The following CTIF variants were observed in gnomAD, a reference collection of about 807,000 sequenced individuals.
CTIF encodes the protein cap binding complex dependent translation initiation factor.
In CTIF, 21 loss-of-function variants were observed where a neutral mutation model predicts 66.0. The observed-to-expected ratio is 0.32, with a 90% CI of 0.23 to 0.46. CTIF has a LOEUF of 0.46. Among genes scored for constraint, CTIF ranks in the 20% least tolerant of loss-of-function variants. The pLI is 1.00. For synonymous variants in CTIF, 345 were observed against 326.4 expected, an observed-to-expected ratio of 1.06 and a Z score of -0.62; for missense variants, 739 against 812.7, an observed-to-expected ratio of 0.91 and a Z score of 1.10.
At chr18:48,794,088 T>C (rs527241181) in intron 9 of CTIF, among the ~76,000 whole-genome samples, 13 of 152,332 alleles carry the variant, frequency 8.5e-5, no homozygotes, top group African/African-American at 3.1e-4. Context: ...TTCTGACTAG[T>C]AGCCCAAAGG....
At chr18:48,674,355 T>G (rs546303876) in intron 6 of CTIF, among the ~76,000 whole-genome samples, 22 of 152,344 alleles carry the variant, frequency 1.4e-4, no homozygotes, top group African/African-American at 5.3e-4. Context: ...CTGCTGCAGC[T>G]CCTGCAGTCT....
At chr18:48,773,154 G>A (rs1910337053) in intron 9 of CTIF, among the ~76,000 whole-genome samples, 1 of 152,202 alleles carries the variant, frequency 6.6e-6, no homozygotes, top group Non-Finnish European at 1.5e-5. Flanking sequence ...ATAGACCAGT[G>A]TAGACTTGCA....
At chr18:48,646,757 G>T (rs115122765) in intron 3 of CTIF, among the ~76,000 whole-genome samples, 2,049 of 147,230 alleles carry the variant, frequency 0.014, 53 homozygotes, top group African/African-American at 0.049. Flanking sequence ...AAAAAAAAAA[G>T]AAAATAAAAT....
Position 48,859,641 on chromosome 18 carries a change from G to A in CTIF, c.*82G>A, listed in dbSNP as rs1470864325. The A allele has an allele frequency of 7.2e-7, 1 of 1,381,910 alleles. No homozygotes were observed. Among genetic ancestry groups the A allele is most frequent in the Non-Finnish European group, 1.0e-6 (1 of 972,924 alleles). 85.6% of individuals were successfully genotyped at this position (1,381,910 alleles called of 1,614,324 possible). A position where few individuals can be genotyped will look rare whatever the true frequency, so the allele number is the denominator to read the frequency against. The stretch of plus-strand genomic sequence containing the variant: ...CAGATGGACAGGCGGGAGGACAGGG[G>A]TGGCCCTGGCGGGAGAAAGAAATGG... On this transcript the variant is annotated 3_prime_UTR_variant, in exon 12 of 12. Coordinates refer to ENST00000256413, the MANE Select transcript of CTIF (RefSeq NM_014772.3).
chr18:48,589,921 C>T (rs2089853240), intron 1 of CTIF, among the ~76,000 whole-genome samples: 2 of 152,218 alleles, frequency 1.3e-5, no homozygotes, highest in Non-Finnish European at 2.9e-5. Flanking sequence ...TAAGCTTGTT[C>T]GTGCTCTGGG....
chr18:48,775,020 C>T (rs1040692232), intron 9 of CTIF, among the ~76,000 whole-genome samples: 1 of 152,134 alleles, frequency 6.6e-6, no homozygotes, highest in African/African-American at 2.4e-5. Context: ...GTTCGAAGCA[C>T]AGTCACCTGG....
intron 3 of CTIF, among the ~76,000 whole-genome samples, chr18:48,647,943 A>T (rs1486241454): frequency 2.6e-5 from 4 of 152,156 alleles, no homozygotes; most frequent in Admixed American, 2.0e-4. Flanking sequence ...GCAACCTTGG[A>T]GGATGGGATG....
chr18:48,781,264 G>A (rs551672214), intron 9 of CTIF, among the ~76,000 whole-genome samples: 12 of 152,354 alleles, frequency 7.9e-5, no homozygotes, highest in African/African-American at 2.4e-4. Flanking sequence ...GCGCCGCAGC[G>A]GGGGCCGGGC....
rs952965041 is a variant in CTIF, at chr18:48,761,336, G to A, written c.1072-54G>A. ...ACCCTCTTTCCACCAGGCCACCCCT[G>A]CACAGAGACCTCGGCTTCACTCAGG... is the stretch of plus-strand genomic sequence containing the variant. On this transcript the variant is annotated intron_variant, in intron 8 of 11. Coordinates refer to ENST00000256413, the MANE Select transcript of CTIF (RefSeq NM_014772.3). The surrounding 1 kb of genome is among the most constrained non-coding windows in gnomAD (Gnocchi z 4.2). 1.3e-6 allele frequency: 2 copies of A among 1,570,004 alleles called. No individual in the cohort carries two copies. Among genetic ancestry groups the A allele is most frequent in the Non-Finnish European group, 1.7e-6 (2 of 1,153,366 alleles).
At position 48,647,263 on chromosome 18, in the gene CTIF, G is replaced by A. The variant is rs562280812; in HGVS notation, c.252+10578G>A. 9.0e-4 allele frequency among the ~76,000 whole-genome samples: 137 copies of A among 152,310 alleles called. 1 individual carries two copies. Among genetic ancestry groups the A allele is most frequent in the African/African-American group, 3.2e-3 (131 of 41,574 alleles). On this transcript the variant is annotated intron_variant, in intron 3 of 11. Transcript: ENST00000256413. ...CTTGAGAGGGCAAAGTAATAGAAAC[G>A]GGGAAGAGGTTTGTGGTTGCCAGGA... is the stretch of plus-strand genomic sequence containing the variant.
At chr18:48,662,998 C>T (rs2091372853) in intron 3 of CTIF, among the ~76,000 whole-genome samples, 1 of 152,118 alleles carries the variant, frequency 6.6e-6, no homozygotes, top group Non-Finnish European at 1.5e-5. Context: ...GAGCATCGGG[C>T]ACATTTCTGT....
chr18:48,733,044 G>T (rs978888061), intron 7 of CTIF, among the ~76,000 whole-genome samples: 1 of 152,146 alleles, frequency 6.6e-6, no homozygotes. Flanking sequence ...ATTTTGAGAG[G>T]CATCGGGGGC....
intron 3 of CTIF, among the ~76,000 whole-genome samples, chr18:48,639,259 G>T (rs1274873950): frequency 1.3e-5 from 2 of 152,240 alleles, no homozygotes; most frequent in African/African-American, 4.8e-5. Context: ...GTTGGAGAGG[G>T]TCTTTCAGGA....
At chr18:48,764,177 T>C (rs764151843) in intron 9 of CTIF, among the ~76,000 whole-genome samples, 4 of 152,178 alleles carry the variant, frequency 2.6e-5, no homozygotes, top group Non-Finnish European at 5.9e-5. Context: ...CAGGAAACAC[T>C]GGCCCTTCTC....
At chr18:48,818,522 T>A (rs1555698796) in intron 10 of CTIF, among the ~76,000 whole-genome samples, 1 of 151,912 alleles carries the variant, frequency 6.6e-6, no homozygotes, top group Non-Finnish European at 1.5e-5. Context: ...GTTGGCCGGG[T>A]GGAAGGGTCT....
rs955088410 is a variant in CTIF, at chr18:48,580,045, G to T, written c.-28-39493G>T. On this transcript the variant is annotated intron_variant, in intron 1 of 11. Coordinates refer to ENST00000256413, the MANE Select transcript of CTIF (RefSeq NM_014772.3). ...CGTCCGTTCATCTGTCCATCAATCA[G>T]TCTGTCCACCCATTCATCTACTGAG... Among the ~76,000 whole-genome samples the T allele has an allele frequency of 2.6e-5, 4 of 152,224 alleles. 1 individual carries two copies. The South Asian group carries it at 8.3e-4, about 32-fold the overall frequency.
chr18:48,770,306 T>TCGCCAC (rs1432280671), intron 9 of CTIF, among the ~76,000 whole-genome samples: 29 of 152,316 alleles, frequency 1.9e-4, no homozygotes, highest in African/African-American at 6.3e-4. Context: ...TCCTGCCTCT[T>TCGCCAC]TGCCACTGCG....
At chr18:48,580,413 G>T (rs1175821718) in intron 1 of CTIF, among the ~76,000 whole-genome samples, 1 of 152,178 alleles carries the variant, frequency 6.6e-6, no homozygotes, top group Non-Finnish European at 1.5e-5. Flanking sequence ...ATTTAGTACT[G>T]AAGAATGAAG....
chr18:48,768,566 A>G (rs1440022217), intron 9 of CTIF, among the ~76,000 whole-genome samples: 1 of 152,228 alleles, frequency 6.6e-6, no homozygotes, highest in Non-Finnish European at 1.5e-5. Flanking sequence ...TCTGGATGCC[A>G]TGCCACATCC....
Sources: allele counts gnomAD v4.1 joint callset (sites outside exome capture counted in the v4.1 genomes callset), GRCh38; gene constraint gnomAD v4.1.1; non-coding constraint Gnocchi (gnomAD v3.1); transcripts MANE v1.5; gene names NCBI Gene and HGNC (gene_info 2026-07-23, HGNC 2026-07-21).